Variants in SPOCK3 observed in about 807,000 individuals in gnomAD.
SPOCK3 encodes the protein SPARC (osteonectin), cwcv and kazal like domains proteoglycan 3, also known as testican-3.
A neutral mutation model predicts 56.6 loss-of-function variants in SPOCK3; 30 were observed. That is an observed-to-expected ratio of 0.53 (90% CI 0.40 to 0.72). SPOCK3 has a LOEUF of 0.72. Ranked by LOEUF, SPOCK3 falls within the 30% of genes least tolerant of loss-of-function variation. The pLI is 0.00. For synonymous variants in SPOCK3, 196 were observed against 183.3 expected (o/e 1.07, Z -0.56); for missense variants, 527 against 530.0 (o/e 0.99, Z 0.06).
intron 2 of SPOCK3, among the ~76,000 whole-genome samples, chr4:167,172,155 T>C (rs1730559101): frequency 6.6e-6 from 1 of 152,148 alleles, no homozygotes; most frequent in African/African-American, 2.4e-5. Context: ...ACCAAGAGAC[T>C]GACAGAGACA....
intron 2 of SPOCK3, among the ~76,000 whole-genome samples, chr4:167,120,621 A>T (rs991917695): frequency 6.6e-6 from 1 of 151,966 alleles, no homozygotes; most frequent in African/African-American, 2.4e-5. Context: ...AATGAAGAGG[A>T]TTTTTTTGTT....
chr4:167,199,225 TTGTG>T (rs58765976), intron 2 of SPOCK3, among the ~76,000 whole-genome samples: 15,537 of 141,924 alleles, frequency 0.11, 894 homozygotes, highest in East Asian at 0.2. Context: ...AAATATTTGT[TTGTG>T]TGTGTGTGTG....
At chr4:166,810,210 A>G (rs1391085044) in intron 6 of SPOCK3, among the ~76,000 whole-genome samples, 1 of 152,084 alleles carries the variant, frequency 6.6e-6, no homozygotes, top group Non-Finnish European at 1.5e-5. Context: ...GTTCAACATC[A>G]TGTGTGTCCC....
intron 6 of SPOCK3, among the ~76,000 whole-genome samples, chr4:166,801,018 T>C (rs1742537153): frequency 6.6e-6 from 1 of 152,222 alleles, no homozygotes; most frequent in African/African-American, 2.4e-5. Flanking sequence ...ATACTTACCA[T>C]TGTGTTACAA....
intron 2 of SPOCK3, among the ~76,000 whole-genome samples, chr4:167,179,092 G>A (rs1163121662): frequency 6.6e-6 from 1 of 152,262 alleles, no homozygotes; most frequent in African/African-American, 2.4e-5. Flanking sequence ...GCACGAAACA[G>A]TTTATTTTTA....
At chr4:167,181,559 T>C (rs62353585) in intron 2 of SPOCK3, among the ~76,000 whole-genome samples, 2,124 of 152,292 alleles carry the variant, frequency 0.014, 13 homozygotes, top group Non-Finnish European at 0.022. Flanking sequence ...ATCTTCCTCC[T>C]TACTACCACT....
chr4:167,170,887 G>T (rs1200679623), intron 2 of SPOCK3, among the ~76,000 whole-genome samples: 2 of 152,066 alleles, frequency 1.3e-5, no homozygotes, highest in African/African-American at 4.8e-5. Context: ...TCTATTTACT[G>T]ACAGTACAGT....
intron 4 of SPOCK3, among the ~76,000 whole-genome samples, chr4:166,981,409 C>G (rs1223765827): frequency 6.6e-6 from 1 of 150,898 alleles, no homozygotes; most frequent in African/African-American, 2.4e-5. Flanking sequence ...GTGTCCAGCT[C>G]TCAGAGGGTA....
chr4:166,823,408 G>A (rs1745140294), intron 6 of SPOCK3, among the ~76,000 whole-genome samples: 1 of 152,002 alleles, frequency 6.6e-6, no homozygotes, highest in Admixed American at 6.6e-5. Flanking sequence ...ACTGCTATGT[G>A]AGAAAGAGGT....
Position 166,792,212 on chromosome 4 carries a change from G to T in SPOCK3, c.667C>A (p.Gln223Lys). The T allele has an allele frequency of 6.2e-7, 1 of 1,613,756 alleles. No individual in the cohort carries two copies. The highest frequency in any genetic ancestry group is 1.1e-5 in the South Asian group (1 of 91,058). Residue 223 changes from glutamine (Q) to lysine (K), a missense_variant, in exon 7 of 11, where the codon CAA becomes AAA. Physicochemically the swap from Gln to Lys is moderately conservative, Grantham distance 53 (BLOSUM62 1). Transcript: ENST00000357545. ...WFKALHESGSQNKKTKTLLRP... is the reference protein window; with the variant it reads ...WFKALHESGSKNKKTKTLLRP... ...AGCAATGTTTTTGTCTTCTTGTTTT[G>T]ACTTCCACTTTCATGAAGGGCCTTG...
chr4:167,203,745 G>C (rs1733750968), intron 2 of SPOCK3, among the ~76,000 whole-genome samples: 1 of 151,858 alleles, frequency 6.6e-6, no homozygotes, highest in South Asian at 2.1e-4. Flanking sequence ...TGTAGCCCTT[G>C]AAAAATTCCC....
chr4:166,969,874 G>A (rs1745191672), intron 4 of SPOCK3, among the ~76,000 whole-genome samples: 1 of 152,072 alleles, frequency 6.6e-6, no homozygotes, highest in African/African-American at 2.4e-5. Flanking sequence ...ATGTCTTCTA[G>A]CAGCTTTATG....
chr4:166,802,148 G>C (rs1742670363), intron 6 of SPOCK3, among the ~76,000 whole-genome samples: 1 of 151,566 alleles, frequency 6.6e-6, no homozygotes, highest in African/African-American at 2.4e-5. Flanking sequence ...AAATAAATTA[G>C]AGAATAAGCA....
intron 2 of SPOCK3, among the ~76,000 whole-genome samples, chr4:167,081,310 A>G (rs750406414): frequency 2.0e-5 from 3 of 152,008 alleles, no homozygotes; most frequent in Non-Finnish European, 4.4e-5. Context: ...ACACATAAAT[A>G]CACCAAGCAC....
chr4:167,066,852 G>T (rs1756189193), intron 2 of SPOCK3, among the ~76,000 whole-genome samples: 1 of 151,890 alleles, frequency 6.6e-6, no homozygotes, highest in South Asian at 2.1e-4. Context: ...CACCCAGTAT[G>T]GAGAAGCTAG....
chr4:167,134,870 T>C (rs1014883949), intron 2 of SPOCK3, among the ~76,000 whole-genome samples: 2 of 151,992 alleles, frequency 1.3e-5, no homozygotes, highest in African/African-American at 4.8e-5. Context: ...TTTCTCAGTT[T>C]CATTAATAAA....
At chr4:167,106,351 A>C (rs1047377203) in intron 2 of SPOCK3, among the ~76,000 whole-genome samples, 2 of 151,980 alleles carry the variant, frequency 1.3e-5, no homozygotes, top group African/African-American at 4.8e-5. Flanking sequence ...CTATGCAAAC[A>C]CATGGAAATT....
chr4:167,034,428 T>C (rs1356557809), intron 3 of SPOCK3, among the ~76,000 whole-genome samples: 1 of 152,064 alleles, frequency 6.6e-6, no homozygotes, highest in African/African-American at 2.4e-5. Context: ...TATGAGATAC[T>C]GAATGTCTTT....
At chr4:167,082,182 A>G (rs1370432909) in intron 2 of SPOCK3, among the ~76,000 whole-genome samples, 2 of 152,146 alleles carry the variant, frequency 1.3e-5, no homozygotes, top group Non-Finnish European at 2.9e-5. Flanking sequence ...TTAGCATTTG[A>G]AATCCCCTAG....
Sources: gnomAD v4.1 joint callset for allele counts (sites outside exome capture counted in the v4.1 genomes callset) on GRCh38, gnomAD v4.1.1 for gene constraint, MANE v1.5 for transcripts, NCBI Gene and HGNC (gene_info 2026-07-23, HGNC 2026-07-21) for gene names.